SOX5: variants seen among roughly 807,000 people sequenced by gnomAD.
SOX5 encodes transcription factor SOX-5.
In SOX5, 9 loss-of-function variants were observed where a neutral mutation model predicts 92.0. That is an observed-to-expected ratio of 0.10 (90% CI 0.06 to 0.17). SOX5 has a LOEUF of 0.17. Among genes scored for constraint, SOX5 ranks in the 10% least tolerant of loss-of-function variants. SOX5 has a pLI of 1.00. For synonymous variants in SOX5, 344 were observed against 336.3 expected (o/e 1.02, Z -0.25); for missense variants, 642 against 944.5 (o/e 0.68, Z 4.20).
At chr12:23,804,814 T>A in intron 3 of SOX5, among the ~76,000 whole-genome samples, 1 of 150,962 alleles carries the variant, frequency 6.6e-6, no homozygotes, top group Non-Finnish European at 1.5e-5. Context: ...CACTCCATCA[T>A]GAAATAATCC....
chr12:24,167,472 C>A (rs982844280), intron 4 of SOX5, among the ~76,000 whole-genome samples: 1 of 152,162 alleles, frequency 6.6e-6, no homozygotes, highest in Non-Finnish European at 1.5e-5. Context: ...CTGATAAAAC[C>A]TTCAGAAGCA....
In SOX5 at chr12:23,533,365, AGTC is replaced by A. The variant is rs535370754; in HGVS notation, c.*851_*853del. The A allele has an allele frequency of 1.9e-4, 47 of 242,332 alleles. No homozygotes were observed. Among genetic ancestry groups the A allele is most frequent in the Non-Finnish European group, 3.6e-4 (41 of 115,442 alleles). 15.0% of individuals were successfully genotyped at this position (242,332 alleles called of 1,614,324 possible). On this transcript the variant is annotated 3_prime_UTR_variant, in exon 15 of 15. Transcript: ENST00000451604. ...ACCTACAGTTTCCATTAAAAAAAAA[AGTC>A]AAATCTCACCAGCTGCTGGTATTTC...
chr12:23,784,090 T>A (rs2095333556), intron 3 of SOX5, among the ~76,000 whole-genome samples: 1 of 152,178 alleles, frequency 6.6e-6, no homozygotes, highest in Non-Finnish European at 1.5e-5. Context: ...ATTGAGTATA[T>A]TTAATGCAAT....
At chr12:23,861,468 G>A (rs752503209) in intron 2 of SOX5, among the ~76,000 whole-genome samples, 2 of 152,052 alleles carry the variant, frequency 1.3e-5, no homozygotes, top group African/African-American at 4.8e-5. Context: ...AGTATAAAGA[G>A]GAGATAAATA....
chr12:24,098,677 TGTGTATA>T (rs1351356446), intron 4 of SOX5, among the ~76,000 whole-genome samples: 2 of 152,090 alleles, frequency 1.3e-5, no homozygotes, highest in Non-Finnish European at 2.9e-5. Context: ...TTTCCAGAAA[TGTGTATA>T]GTTTCTTTGC....
chr12:23,545,557 A>G (rs1942963177), intron 12 of SOX5, among the ~76,000 whole-genome samples: 1 of 152,140 alleles, frequency 6.6e-6, no homozygotes, highest in African/African-American at 2.4e-5. Flanking sequence ...TAGTTAGGTT[A>G]TAGAGAGTGG....
chr12:23,874,480 T>C (rs1042335417), intron 2 of SOX5, among the ~76,000 whole-genome samples: 3 of 152,136 alleles, frequency 2.0e-5, no homozygotes, highest in African/African-American at 7.2e-5. Context: ...CTTTTTAAAA[T>C]TTCCCTAAAA....
chr12:23,745,738 T>C (rs1462333791), intron 4 of SOX5, among the ~76,000 whole-genome samples: 1 of 151,240 alleles, frequency 6.6e-6, no homozygotes, highest in Non-Finnish European at 1.5e-5. Context: ...CGGATAACAT[T>C]TGTTCTCTTC....
At chr12:23,616,695 T>A (rs1253900882) in intron 8 of SOX5, among the ~76,000 whole-genome samples, 2 of 152,220 alleles carry the variant, frequency 1.3e-5, no homozygotes, top group Non-Finnish European at 2.9e-5. Flanking sequence ...ACAGCTGTTA[T>A]GTCAGTGGAG....
intron 2 of SOX5, among the ~76,000 whole-genome samples, chr12:23,870,178 T>C (rs996454629): frequency 3.3e-5 from 5 of 151,786 alleles, no homozygotes; most frequent in African/African-American, 7.3e-5. Flanking sequence ...GAGCTAAATA[T>C]AGGTGATCAG....
At chr12:24,239,468 T>G (rs950954076) in intron 3 of SOX5, among the ~76,000 whole-genome samples, 1 of 152,218 alleles carries the variant, frequency 6.6e-6, no homozygotes, top group African/African-American at 2.4e-5. Flanking sequence ...CTTGGCCTGG[T>G]GTGCCTCATT....
chr12:23,980,985 T>C (rs1949521266), intron 4 of SOX5, among the ~76,000 whole-genome samples: 1 of 152,176 alleles, frequency 6.6e-6, no homozygotes, highest in Non-Finnish European at 1.5e-5. Context: ...GTGTAGAGTG[T>C]CATGGCCAAA....
intron 1 of SOX5, among the ~76,000 whole-genome samples, chr12:24,484,441 C>G (rs913058007): frequency 3.9e-5 from 6 of 152,132 alleles, no homozygotes; most frequent in African/African-American, 1.4e-4. Flanking sequence ...TGTTTTAAAT[C>G]ATATTAATTA....
At chr12:24,408,860 G>A (rs956138138) in intron 1 of SOX5, among the ~76,000 whole-genome samples, 10 of 152,170 alleles carry the variant, frequency 6.6e-5, no homozygotes, top group South Asian at 2.1e-4. Flanking sequence ...AAATAGGAAC[G>A]CTTTTACACT....
rs866255909 is a variant in SOX5, at chr12:23,570,968, T to C, written c.1342+4693A>G. 9.4e-4 allele frequency among the ~76,000 whole-genome samples: 95 copies of C among 101,344 alleles called. 10 individuals carry two copies. The highest frequency in any genetic ancestry group is 1.6e-3 in the Non-Finnish European group (80 of 51,054). 66.5% of individuals were successfully genotyped at this position (101,344 alleles called of 152,430 possible). On this transcript the variant is annotated intron_variant, in intron 10 of 14. Coordinates refer to ENST00000451604, the MANE Select transcript of SOX5 (RefSeq NM_006940.6). ...ATATATATATATATATATATATATATATATATATATATATATTTTCATATT... is the reference window on the plus strand; with the variant it reads ...ATATATATATATATATATATATATACATATATATATATATATTTTCATATT...
intron 1 of SOX5, among the ~76,000 whole-genome samples, chr12:24,521,907 A>C (rs143937411): frequency 2.7e-4 from 41 of 152,154 alleles, no homozygotes; most frequent in Middle Eastern, 6.8e-3. Context: ...GAAATGTAAA[A>C]CCAAGCCCAA....
At chr12:24,299,206 A>G (rs1272107555) in intron 2 of SOX5, among the ~76,000 whole-genome samples, 3 of 152,198 alleles carry the variant, frequency 2.0e-5, no homozygotes, top group African/African-American at 7.2e-5. Context: ...ACTGACCACC[A>G]GTCCTGGGGA....
At chr12:24,459,363 G>T (rs543839003) in intron 1 of SOX5, among the ~76,000 whole-genome samples, 1 of 152,268 alleles carries the variant, frequency 6.6e-6, no homozygotes, top group African/African-American at 2.4e-5. Flanking sequence ...TCAAAGCTAG[G>T]TGCTATGATG....
intron 4 of SOX5, among the ~76,000 whole-genome samples, chr12:24,123,913 A>G (rs966481785): frequency 1.3e-5 from 2 of 151,940 alleles, no homozygotes; most frequent in African/African-American, 4.8e-5. Flanking sequence ...AATCTCACTC[A>G]CTCTCACTAC....
Sources: allele counts gnomAD v4.1 joint callset (sites outside exome capture counted in the v4.1 genomes callset), GRCh38; gene constraint gnomAD v4.1.1; transcripts MANE v1.5; gene names NCBI Gene and HGNC (gene_info 2026-07-23, HGNC 2026-07-21).